Variants in GDF11 observed in about 807,000 individuals in gnomAD.
GDF11 encodes growth differentiation factor 11, also known as growth/differentiation factor 11.
In GDF11, 12 loss-of-function variants were observed where a neutral mutation model predicts 34.4. That is an observed-to-expected ratio of 0.35 (90% confidence interval 0.22 to 0.57). GDF11 has a LOEUF of 0.57. GDF11 is among the 20% of genes least tolerant of loss of function. The pLI is 0.86. For missense variants in GDF11, 346 were observed against 548.2 expected, an observed-to-expected ratio of 0.63 and a Z score of 3.68; for synonymous variants, 212 against 231.1, an observed-to-expected ratio of 0.92 and a Z score of 0.75.
intron 1 of GDF11, among the ~76,000 whole-genome samples, chr12:55,744,021 A>C (rs1878125557): frequency 6.6e-6 from 1 of 152,150 alleles, no homozygotes; most frequent in Non-Finnish European, 1.5e-5. Flanking sequence ...TTCCACCCCC[A>C]GTATGCTAAA....
At position 55,743,729 on chromosome 12, in the gene GDF11, C is replaced by A; in HGVS notation, c.413C>A (p.Thr138Asn). The change falls in exon 1 of 3, where the codon ACC (threonine) becomes AAC (asparagine). Residue 138 changes from threonine (T) to asparagine (N), a missense_variant. Physicochemically the swap from Thr to Asn is moderately conservative, Grantham distance 65. Transcript: ENST00000257868. ...CTGGAGGAGGACGAGTACCACGCCA[C>A]CACCGAGACCGTCATTAGCATGGCC... The part of the protein sequence containing the change: ...DFLEEDEYHA[T>N]TETVISMAQE... 6.3e-7 allele frequency: 1 copy of A among 1,592,164 alleles called. No individual in the cohort carries two copies. Among genetic ancestry groups the A allele is most frequent in the Non-Finnish European group, 8.5e-7 (1 of 1,175,952 alleles).
In GDF11 at chr12:55,753,694, C is replaced by G. The variant is rs1878408874; in HGVS notation, c.*3812C>G. The G allele has an allele frequency of 6.9e-6, 1 of 145,658 alleles. No homozygotes were observed. Among genetic ancestry groups the G allele is most frequent in the African/African-American group, 2.6e-5 (1 of 38,256 alleles). The allele number at this position is 145,658 out of a possible 1,614,324, so 9.0% of individuals were successfully genotyped here. ...CTGAGGCAGAAGAATCGCTTGAACC[C>G]AGGTGGCGGAGGTTGCAGTGAGCTG... On this transcript the variant is annotated 3_prime_UTR_variant, in exon 3 of 3. Transcript: ENST00000257868.
chr12:55,746,821 G>A (rs1044984933), intron 1 of GDF11, among the ~76,000 whole-genome samples: 1 of 152,246 alleles, frequency 6.6e-6, no homozygotes, highest in African/African-American at 2.4e-5. Context: ...AGGTTAGATA[G>A]TGGTTAGTAA....
chr12:55,753,091 G>A lies in GDF11; in HGVS notation c.*3209G>A, dbSNP rs1290033891. 2 of 152,192 alleles carry A rather than the reference G, an allele frequency of 1.3e-5. No homozygotes were observed. Among genetic ancestry groups the A allele is most frequent in the African/African-American group, 4.8e-5 (2 of 41,436 alleles). 9.4% of individuals were successfully genotyped at this position (152,192 alleles called of 1,614,324 possible). On this transcript the variant is annotated 3_prime_UTR_variant, in exon 3 of 3. Coordinates refer to ENST00000257868, the MANE Select transcript of GDF11 (RefSeq NM_005811.5). ...GAGGACAGGAAACTGGGGGTACCTA[G>A]AACAACCCCTCTCTGAAAAGCTTGA...
rs1878387853 is a variant in GDF11, at chr12:55,753,358, A to G, written c.*3476A>G. On this transcript the variant is annotated 3_prime_UTR_variant, in exon 3 of 3. Transcript: ENST00000257868. The stretch of plus-strand genomic sequence containing the variant: ...GTTACACAAGAGTGGCTAAAATAGC[A>G]TCTCAAATATTCTTTCAGTTCACTG... The G allele has an allele frequency of 2.0e-5, 3 of 152,228 alleles. No individual in the cohort carries two copies. The South Asian group carries it at 6.2e-4, about 31-fold the overall frequency. 9.4% of individuals were successfully genotyped at this position (152,228 alleles called of 1,614,324 possible). A position where few individuals can be genotyped will look rare whatever the true frequency, so the allele number is the denominator to read the frequency against.
chr12:55,750,473 G>A lies in GDF11; in HGVS notation c.*591G>A, dbSNP rs1245925013. On this transcript the variant is annotated 3_prime_UTR_variant, in exon 3 of 3. Coordinates refer to ENST00000257868, the MANE Select transcript of GDF11 (RefSeq NM_005811.5). The stretch of plus-strand genomic sequence containing the variant: ...GAATTTTTATTTATTTATTTATTGT[G>A]ACTTTTCATTTTTTTGGTATTTGGC... The A allele has an allele frequency of 1.3e-5, 2 of 152,212 alleles. No homozygotes were observed. Among genetic ancestry groups the A allele is most frequent in the Non-Finnish European group, 2.9e-5 (2 of 68,064 alleles). The allele number at this position is 152,212 out of a possible 1,614,324, so 9.4% of individuals were successfully genotyped here.
chr12:55,747,748 C>T (rs1249663617), intron 1 of GDF11, among the ~76,000 whole-genome samples: 5 of 152,212 alleles, frequency 3.3e-5, no homozygotes, highest in African/African-American at 1.2e-4. Context: ...TAAAGACCTA[C>T]TGGCACTAGA....
rs1592544861 is a variant in GDF11 at position 55,748,743 on chromosome 12, A to T, written c.603A>T (p.Lys201Asn). ...ATVYLQILRLKPLTGEGTAGG... is the reference protein window; with the variant it reads ...ATVYLQILRLNPLTGEGTAGG... Reference sequence around the variant, plus strand: ...TCTACCTGCAGATCTTGCGACTAAAACCCCTAACTGGGGAAGGGACCGCAG... The same window carrying T: ...TCTACCTGCAGATCTTGCGACTAAATCCCCTAACTGGGGAAGGGACCGCAG... The change falls in exon 2 of 3, where the codon AAA becomes AAT. Residue 201 changes from lysine (K) to asparagine (N), a missense_variant. By Grantham distance (94) the Lys-to-Asn change is moderately conservative (BLOSUM62 0). Coordinates refer to ENST00000257868, the MANE Select transcript of GDF11 (RefSeq NM_005811.5). The surrounding 1 kb of genome is among the most constrained non-coding windows in gnomAD (Gnocchi z 5.6). 6.2e-7 allele frequency: 1 copy of T among 1,613,820 alleles called. No individual in the cohort carries two copies. The highest frequency in any genetic ancestry group is 1.1e-5 in the South Asian group (1 of 91,062).
rs1878497126 is a variant in GDF11 at position 55,756,070 on chromosome 12, A to G, written c.*6188A>G. 6.6e-6 allele frequency: 1 copy of G among 152,246 alleles called. No homozygotes were observed. The highest frequency in any genetic ancestry group is 6.5e-5 in the Admixed American group (1 of 15,276). 9.4% of individuals were successfully genotyped at this position (152,246 alleles called of 1,614,324 possible). A position where few individuals can be genotyped will look rare whatever the true frequency, so the allele number is the denominator to read the frequency against. ...TAGTGAATCTATAATCTCTCAAGTT[A>G]CAAATCAGATCTATTCTGTTTTCAG... On this transcript the variant is annotated 3_prime_UTR_variant, in exon 3 of 3. Transcript: ENST00000257868.
At chr12:55,747,212 A>G (rs528934958) in intron 1 of GDF11, among the ~76,000 whole-genome samples, 51 of 151,966 alleles carry the variant, frequency 3.4e-4, no homozygotes, top group African/African-American at 1.2e-3. Context: ...ACCCTACTCC[A>G]TTGCACCATC....
chr12:55,743,702 TC>T lies in GDF11; in HGVS notation c.388del (p.Leu130TrpfsTer41). The T allele has an allele frequency of 6.2e-7, 1 of 1,600,386 alleles. No homozygotes were observed. The highest frequency in any genetic ancestry group is 8.5e-7 in the Non-Finnish European group (1 of 1,179,052). On this transcript the variant is annotated frameshift_variant, in exon 1 of 3. Transcript: ENST00000257868. LOFTEE classifies it high-confidence loss of function. ...FQGDALQPED[F>X]LEEDEYHATT... Reference sequence around the variant, plus strand: ...GGCGACGCGCTGCAGCCCGAGGACTTCCTGGAGGAGGACGAGTACCACGCCA... The same window carrying T: ...GGCGACGCGCTGCAGCCCGAGGACTTCTGGAGGAGGACGAGTACCACGCCA...
Position 55,749,511 on chromosome 12 carries a change from A to G in GDF11, c.853A>G (p.Met285Val), listed in dbSNP as rs1472251834. 13 of 1,607,928 alleles carry G rather than the reference A, an allele frequency of 8.1e-6. No individual in the cohort carries two copies. The highest frequency in any genetic ancestry group is 1.7e-5 in the Admixed American group (1 of 59,884). Residue 285 changes from methionine (M) to valine (V), a missense_variant, in exon 3 of 3, where the codon ATG becomes GTG. Transcript: ENST00000257868. The surrounding 1 kb of genome is among the most constrained non-coding windows in gnomAD (Gnocchi z 5.6). Reference sequence around the variant, plus strand: ...TCTCCCTGACCCTCAGCATCCATTCATGGAGCTTCGAGTCCTAGAGAACAC... The same window carrying G: ...TCTCCCTGACCCTCAGCATCCATTCGTGGAGCTTCGAGTCCTAGAGAACAC... ...GPGAEGLHPF[M>V]ELRVLENTKR... is the part of the protein sequence containing the mutation.
In GDF11 at chr12:55,757,077, A is replaced by G. The variant is rs779134114; in HGVS notation, c.*7195A>G. Reference sequence around the variant, plus strand: ...GGGTAACTTAACCTCTTCACAGAGGATAAAAAATGCTTGTGAGTATGACAG... The same window carrying G: ...GGGTAACTTAACCTCTTCACAGAGGGTAAAAAATGCTTGTGAGTATGACAG... On this transcript the variant is annotated 3_prime_UTR_variant, in exon 3 of 3. Coordinates refer to ENST00000257868, the MANE Select transcript of GDF11 (RefSeq NM_005811.5). 8.2e-4 allele frequency: 126 copies of G among 153,024 alleles called. No individual in the cohort carries two copies. The highest frequency in any genetic ancestry group is 4.6e-4 in the Admixed American group (7 of 15,364). 9.5% of individuals were successfully genotyped at this position (153,024 alleles called of 1,614,324 possible). A position where few individuals can be genotyped will look rare whatever the true frequency, so the allele number is the denominator to read the frequency against.
Position 55,751,780 on chromosome 12 carries a change from T to C in GDF11, c.*1898T>C, listed in dbSNP as rs1447146821. On this transcript the variant is annotated 3_prime_UTR_variant, in exon 3 of 3. Transcript: ENST00000257868. ...TAAGAATCTTCAGCAAAACTGTCACTCTAAGTAGAGCCAGCAGTTACGGGT... is the reference window on the plus strand; with the variant it reads ...TAAGAATCTTCAGCAAAACTGTCACCCTAAGTAGAGCCAGCAGTTACGGGT... The C allele has an allele frequency of 1.3e-5, 2 of 152,134 alleles. No individual in the cohort carries two copies. The highest frequency in any genetic ancestry group is 2.9e-5 in the Non-Finnish European group (2 of 68,032). 9.4% of individuals were successfully genotyped at this position (152,134 alleles called of 1,614,324 possible).
intron 1 of GDF11, among the ~76,000 whole-genome samples, chr12:55,744,468 A>G (rs573221681): frequency 6.6e-6 from 1 of 152,102 alleles, no homozygotes; most frequent in African/African-American, 2.4e-5. Context: ...TTATTCGCCC[A>G]CCCCTACCGC....
chr12:55,743,231 TCCTCCTCCCTC>T lies in GDF11; in HGVS notation c.-73_-63del, dbSNP rs1252774659. 7.8e-6 allele frequency: 2 copies of T among 256,754 alleles called. No homozygotes were observed. Among genetic ancestry groups the T allele is most frequent in the East Asian group, 2.4e-4 (1 of 4,166 alleles). 15.9% of individuals were successfully genotyped at this position (256,754 alleles called of 1,614,324 possible). On this transcript the variant is annotated 5_prime_UTR_variant, in exon 1 of 3. Coordinates refer to ENST00000257868, the MANE Select transcript of GDF11 (RefSeq NM_005811.5). ...CCAATCCCGCGCCGCCCGGACCCCC[TCCTCCTCCCTC>T]CCTCCTCCCTCCGCCCCCTCCCCGC...
Position 55,748,519 on chromosome 12 carries a change from C to A in GDF11, c.446-67C>A. 6.9e-7 allele frequency: 1 copy of A among 1,450,798 alleles called. No homozygotes were observed. Among genetic ancestry groups the A allele is most frequent in the Non-Finnish European group, 9.3e-7 (1 of 1,076,774 alleles). 89.9% of individuals were successfully genotyped at this position (1,450,798 alleles called of 1,614,324 possible). ...GCTGAGAAGTCCAAAATTGCCAGTG[C>A]CACCCAGGACTACTGATCCCCTACA... On this transcript the variant is annotated intron_variant, in intron 1 of 2. Coordinates refer to ENST00000257868, the MANE Select transcript of GDF11 (RefSeq NM_005811.5). The surrounding 1 kb of genome is among the most constrained non-coding windows in gnomAD (Gnocchi z 5.6).
intron 1 of GDF11, among the ~76,000 whole-genome samples, chr12:55,747,023 C>G (rs1440358461): frequency 6.6e-6 from 1 of 152,184 alleles, no homozygotes; most frequent in Non-Finnish European, 1.5e-5. Context: ...AAAACAGACA[C>G]AGTATGAATA....
At position 55,750,453 on chromosome 12, in the gene GDF11, T is replaced by C. The variant is rs1214585144; in HGVS notation, c.*571T>C. On this transcript the variant is annotated 3_prime_UTR_variant, in exon 3 of 3. Transcript: ENST00000257868. Reference sequence around the variant, plus strand: ...GCAGGGGCAAAAAGATTTGGGAATTTTTATTTATTTATTTATTGTGACTTT... The same window carrying C: ...GCAGGGGCAAAAAGATTTGGGAATTCTTATTTATTTATTTATTGTGACTTT... 1 of 152,092 alleles carries C rather than the reference T, an allele frequency of 6.6e-6. No homozygotes were observed. Among genetic ancestry groups the C allele is most frequent in the Non-Finnish European group, 1.5e-5 (1 of 68,032 alleles). The allele number at this position is 152,092 out of a possible 1,614,324, so 9.4% of individuals were successfully genotyped here. A position where few individuals can be genotyped will look rare whatever the true frequency, so the allele number is the denominator to read the frequency against.
Sources: gnomAD v4.1 joint callset for allele counts (sites outside exome capture counted in the v4.1 genomes callset) on GRCh38, gnomAD v4.1.1 for gene constraint, Gnocchi (gnomAD v3.1) non-coding constraint, MANE v1.5 for transcripts, NCBI Gene and HGNC (gene_info 2026-07-23, HGNC 2026-07-21) for gene names.